ARHGAP24: variants seen among roughly 807,000 people sequenced by gnomAD.
ARHGAP24 encodes Rho GTPase activating protein 24.
In ARHGAP24, 50 loss-of-function variants were observed where a neutral mutation model predicts 76.4. That is an observed-to-expected ratio of 0.65 (90% CI 0.52 to 0.83). The LOEUF (loss-of-function observed/expected upper bound fraction) is 0.83, where lower values mean the gene tolerates loss of function less well. Among genes scored for constraint, ARHGAP24 ranks in the 40% least tolerant of loss-of-function variants. The pLI, the probability that ARHGAP24 is intolerant of heterozygous loss-of-function variation, is 0.00. For synonymous variants in ARHGAP24, 345 were observed against 323.3 expected, an observed-to-expected ratio of 1.07 and a Z score of -0.72; for missense variants, 930 against 914.2, an observed-to-expected ratio of 1.02 and a Z score of -0.22.
intron 3 of ARHGAP24, among the ~76,000 whole-genome samples, chr4:85,866,545 A>G (rs556726108): frequency 1.3e-5 from 2 of 152,168 alleles, no homozygotes; most frequent in African/African-American, 4.8e-5. Flanking sequence ...TGTCAAGTCT[A>G]TTTTCAAGAG....
At position 85,860,690 on chromosome 4, in the gene ARHGAP24, A is replaced by C. The variant is rs910614413; in HGVS notation, c.269-62958A>C. On this transcript the variant is annotated intron_variant, in intron 3 of 9. Coordinates refer to ENST00000395184, the MANE Select transcript of ARHGAP24 (RefSeq NM_001025616.3). ...GTGTACCCCAGGTGCAATACAAAATAATTTGTCCATCACCAGGAGAATGAA... is the reference window on the plus strand; with the variant it reads ...GTGTACCCCAGGTGCAATACAAAATCATTTGTCCATCACCAGGAGAATGAA... Among the ~76,000 whole-genome samples, 3 of 152,076 alleles carry C rather than the reference A, an allele frequency of 2.0e-5. No individual in the cohort carries two copies. In the East Asian group the frequency reaches 5.8e-4, roughly 29 times the overall value.
At chr4:85,523,914 A>C (rs1413719531) in intron 1 of ARHGAP24, among the ~76,000 whole-genome samples, 1 of 152,140 alleles carries the variant, frequency 6.6e-6, no homozygotes. Flanking sequence ...ACAGGCAAAA[A>C]ACAAATTTCT....
chr4:85,834,174 G>T (rs1272190008), intron 3 of ARHGAP24, among the ~76,000 whole-genome samples: 5 of 152,136 alleles, frequency 3.3e-5, no homozygotes, highest in African/African-American at 9.7e-5. Flanking sequence ...GTTGGGGGAA[G>T]TTATCAGAGA....
intron 3 of ARHGAP24, among the ~76,000 whole-genome samples, chr4:85,916,135 A>G (rs527864739): frequency 1.3e-5 from 2 of 152,146 alleles, no homozygotes; most frequent in African/African-American, 4.8e-5. Context: ...GATGGTATCT[A>G]TTGTGGTTTT....
chr4:85,542,102 C>T (rs1289103101), intron 1 of ARHGAP24, among the ~76,000 whole-genome samples: 1 of 152,096 alleles, frequency 6.6e-6, no homozygotes, highest in African/African-American at 2.4e-5. Context: ...CATCAGCATG[C>T]GTCAGTCACC....
At chr4:85,777,192 G>A (rs1727339842) in intron 3 of ARHGAP24, among the ~76,000 whole-genome samples, 1 of 152,154 alleles carries the variant, frequency 6.6e-6, no homozygotes, top group Admixed American at 6.5e-5. Context: ...TTTGGAAAAT[G>A]TGTTCCAGAA....
intron 3 of ARHGAP24, among the ~76,000 whole-genome samples, chr4:85,914,887 C>T (rs1735286669): frequency 6.6e-6 from 1 of 152,174 alleles, no homozygotes; most frequent in Admixed American, 6.5e-5. Context: ...GGTGGAGGAA[C>T]ACTGATCTGA....
At chr4:85,626,695 C>T (rs1720966773) in intron 2 of ARHGAP24, among the ~76,000 whole-genome samples, 1 of 152,150 alleles carries the variant, frequency 6.6e-6, no homozygotes, top group Non-Finnish European at 1.5e-5. Flanking sequence ...CCATTCTCCC[C>T]ATCACTTTCA....
intron 2 of ARHGAP24, among the ~76,000 whole-genome samples, chr4:85,667,686 C>T (rs1722684728): frequency 6.6e-6 from 1 of 152,278 alleles, no homozygotes; most frequent in East Asian, 1.9e-4. Flanking sequence ...CCCTAATGTT[C>T]ATAAGTTATT....
intron 3 of ARHGAP24, among the ~76,000 whole-genome samples, chr4:85,826,291 C>T (rs1729708171): frequency 6.6e-6 from 1 of 152,200 alleles, no homozygotes; most frequent in South Asian, 2.1e-4. Context: ...CATTAATCCC[C>T]TTCTCCATCC....
In ARHGAP24 at chr4:85,591,030, G is replaced by GTTTTTT. The variant is rs1560544158; in HGVS notation, c.180+20309_180+20310insTTTTTT. On this transcript the variant is annotated intron_variant, in intron 2 of 9. Transcript: ENST00000395184. Reference sequence around the variant, plus strand: ...CAGCACTAACCTGTAAAATCTGCTGGGTTTTTTTTTTTTTTTTTTTTTTTT... The same window carrying GTTTTTT: ...CAGCACTAACCTGTAAAATCTGCTGGTTTTTTGTTTTTTTTTTTTTTTTTTTTTTTT... Among the ~76,000 whole-genome samples the GTTTTTT allele has an allele frequency of 4.9e-4, 60 of 121,880 alleles. 2 individuals are homozygous for GTTTTTT. The highest frequency in any genetic ancestry group is 1.8e-3 in the African/African-American group (58 of 31,670). 80.0% of individuals were successfully genotyped at this position (121,880 alleles called of 152,430 possible).
intron 1 of ARHGAP24, 66 bp from the exon 2 acceptor site, chr4:85,570,441 TTCTGGAGAAGAGTGG>T: frequency 3.5e-6 from 3 of 848,596 alleles, no homozygotes; most frequent in Admixed American, 2.7e-5. Flanking sequence ...CTTTTTTTTT[TTCTGGAGAAGAGTGG>T]TTTAAAAGGG....
At chr4:85,842,401 T>C (rs1730649417) in intron 3 of ARHGAP24, among the ~76,000 whole-genome samples, 1 of 152,134 alleles carries the variant, frequency 6.6e-6, no homozygotes, top group African/African-American at 2.4e-5. Context: ...TTCTACAGAT[T>C]GGAGGGAGCA....
intron 3 of ARHGAP24, among the ~76,000 whole-genome samples, chr4:85,774,448 T>C (rs1322361232): frequency 6.6e-6 from 1 of 152,182 alleles, no homozygotes; most frequent in African/African-American, 2.4e-5. Context: ...AGTTGGCAGG[T>C]GAGGGCAACT....
chr4:85,750,838 T>TA (rs1267295528), intron 3 of ARHGAP24, among the ~76,000 whole-genome samples: 14 of 152,214 alleles, frequency 9.2e-5, no homozygotes, highest in Middle Eastern at 3.4e-3. Context: ...TTTCTTCCAC[T>TA]AAAAAATGTT....
intron 3 of ARHGAP24, among the ~76,000 whole-genome samples, chr4:85,765,016 G>T (rs1160384814): frequency 6.6e-6 from 1 of 152,024 alleles, no homozygotes; most frequent in Non-Finnish European, 1.5e-5. Flanking sequence ...TAACTTTGAG[G>T]TTTGTCTGTG....
At chr4:85,520,481 A>G (rs919617956) in intron 1 of ARHGAP24, among the ~76,000 whole-genome samples, 3 of 152,184 alleles carry the variant, frequency 2.0e-5, no homozygotes, top group Non-Finnish European at 4.4e-5. Context: ...TGTGGCCCTC[A>G]GTAATGCCTA....
At chr4:85,692,275 T>C (rs1723693386) in intron 2 of ARHGAP24, among the ~76,000 whole-genome samples, 1 of 152,194 alleles carries the variant, frequency 6.6e-6, no homozygotes, top group Non-Finnish European at 1.5e-5. Flanking sequence ...TTATTTGACA[T>C]TGAGCTTGGG....
intron 2 of ARHGAP24, among the ~76,000 whole-genome samples, chr4:85,598,917 A>G (rs1218632992): frequency 1.3e-5 from 2 of 151,778 alleles, no homozygotes; most frequent in East Asian, 1.9e-4. Context: ...AATTTTATTC[A>G]TATATTTTAC....
Sources: gnomAD v4.1 joint callset for allele counts (sites outside exome capture counted in the v4.1 genomes callset) on GRCh38, gnomAD v4.1.1 for gene constraint, MANE v1.5 for transcripts, NCBI Gene and HGNC (gene_info 2026-07-23, HGNC 2026-07-21) for gene names.